The following UNC13C variants were observed in gnomAD, a reference collection of about 807,000 sequenced individuals.
The protein encoded by UNC13C is protein unc-13 homolog C.
Under a neutral mutation model 245.4 loss-of-function variants are expected in UNC13C, and 174 were observed. That is an observed-to-expected ratio of 0.71 (90% CI 0.63 to 0.80). UNC13C has a LOEUF of 0.80. Among genes scored for constraint, UNC13C ranks in the 30% least tolerant of loss-of-function variants. The pLI, the probability that UNC13C is intolerant of heterozygous loss-of-function variation, is 0.00. For missense variants in UNC13C, 2,829 were observed against 2,602.9 expected (o/e 1.09, Z -1.89); for synonymous variants, 992 against 895.1 (o/e 1.11, Z -1.93).
At chr15:54,486,140 T>C (rs1278992980) in intron 19 of UNC13C, among the ~76,000 whole-genome samples, 1 of 151,896 alleles carries the variant, frequency 6.6e-6, no homozygotes, top group Non-Finnish European at 1.5e-5. Context: ...CCGGGCATGG[T>C]GGCTCATGCC....
At chr15:54,196,688 T>C (rs932967143) in intron 4 of UNC13C, among the ~76,000 whole-genome samples, 4 of 152,192 alleles carry the variant, frequency 2.6e-5, no homozygotes, top group Admixed American at 6.6e-5. Context: ...CAGTGAGTAA[T>C]GTACCAATCT....
intron 4 of UNC13C, among the ~76,000 whole-genome samples, chr15:54,174,438 G>C (rs1333795284): frequency 6.6e-6 from 1 of 152,048 alleles, no homozygotes; most frequent in Non-Finnish European, 1.5e-5. Context: ...AGCAAATCTT[G>C]TTTTTAATTT....
intron 1 of UNC13C, among the ~76,000 whole-genome samples, chr15:53,987,725 C>T (rs1355921291): frequency 6.6e-6 from 1 of 151,986 alleles, no homozygotes; most frequent in Non-Finnish European, 1.5e-5. Flanking sequence ...AACATGCACA[C>T]AAAATTCAGT....
chr15:54,585,666 C>T (rs1898453609), intron 30 of UNC13C, among the ~76,000 whole-genome samples: 1 of 152,016 alleles, frequency 6.6e-6, no homozygotes, highest in Non-Finnish European at 1.5e-5. Context: ...AACTTCTCCA[C>T]AAAGGTAGAA....
At chr15:54,425,244 A>G (rs573008579) in intron 19 of UNC13C, among the ~76,000 whole-genome samples, 2 of 151,850 alleles carry the variant, frequency 1.3e-5, no homozygotes, top group African/African-American at 4.8e-5. Context: ...GCAGAGTTCA[A>G]TGACACCGTG....
At chr15:53,892,395 G>C in the UNC13C span, among the ~76,000 whole-genome samples, 1 of 152,072 alleles carries the variant, frequency 6.6e-6, no homozygotes, top group African/African-American at 2.4e-5. Context: ...GGTGTTCTCT[G>C]TATTTCCTGA....
chr15:54,486,310 G>A lies in UNC13C; in HGVS notation c.4934-8298G>A, dbSNP rs567579249. Reference sequence around the variant, plus strand: ...ACACAATATCAGTGTGGTGGCGGGCGCTTGTAATCCTAGCTGCTCCAGAGG... The same window carrying A: ...ACACAATATCAGTGTGGTGGCGGGCACTTGTAATCCTAGCTGCTCCAGAGG... On this transcript the variant is annotated intron_variant, in intron 19 of 32. Coordinates refer to ENST00000260323, the MANE Select transcript of UNC13C (RefSeq NM_001080534.3). 1.5e-4 allele frequency among the ~76,000 whole-genome samples: 22 copies of A among 148,866 alleles called. No individual in the cohort carries two copies. In the South Asian group the frequency reaches 3.0e-3, roughly 20 times the overall value.
chr15:53,842,658 G>A, the UNC13C span, among the ~76,000 whole-genome samples: 4 of 152,068 alleles, frequency 2.6e-5, no homozygotes, highest in Non-Finnish European at 4.4e-5. Context: ...TGTTATGGTT[G>A]GAGATATTAA....
chr15:54,453,375 T>C (rs1362717556), intron 19 of UNC13C, among the ~76,000 whole-genome samples: 1 of 152,204 alleles, frequency 6.6e-6, no homozygotes, highest in East Asian at 1.9e-4. Context: ...TGATGTTCTC[T>C]CTTAGAGGAT....
At chr15:54,053,176 G>C (rs1041493467) in intron 2 of UNC13C, among the ~76,000 whole-genome samples, 1 of 139,834 alleles carries the variant, frequency 7.2e-6, no homozygotes, top group African/African-American at 2.4e-5. Context: ...CACCACACCT[G>C]GCCAATTTAT....
intron 2 of UNC13C, among the ~76,000 whole-genome samples, chr15:54,032,299 C>A (rs576616080): frequency 6.6e-6 from 1 of 152,074 alleles, no homozygotes; most frequent in Non-Finnish European, 1.5e-5. Context: ...TGTCAAGGTA[C>A]GTCAAATCAG....
In UNC13C at chr15:54,623,942, A is replaced by T. The variant is rs1566945902; in HGVS notation, c.6347A>T (p.Glu2116Val). 6.2e-6 allele frequency: 10 copies of T among 1,613,170 alleles called. No individual in the cohort carries two copies. Among genetic ancestry groups the T allele is most frequent in the Non-Finnish European group, 8.5e-6 (10 of 1,179,304 alleles). The stretch of plus-strand genomic sequence containing the variant: ...AACACATGGTCACCAAAGTACAATG[A>T]AACATTTCAGTTGTAAGTCATAAAC... ...KSNTWSPKYN[E>V]TFQFILGKEN... Residue 2116 changes from glutamate to valine, a missense_variant, in exon 32 of 33, where the codon GAA becomes GTA. Physicochemically the swap from Glu to Val is moderately radical, Grantham distance 121 (BLOSUM62 -2). Transcript: ENST00000260323.
At chr15:54,589,197 C>T (rs1898640815) in intron 30 of UNC13C, among the ~76,000 whole-genome samples, 1 of 149,884 alleles carries the variant, frequency 6.7e-6, no homozygotes, top group Non-Finnish European at 1.5e-5. Flanking sequence ...GGTGGTATCG[C>T]ATTGTGGTTT....
chr15:54,103,500 C>T (rs1379547164), intron 2 of UNC13C, among the ~76,000 whole-genome samples: 2 of 152,342 alleles, frequency 1.3e-5, no homozygotes, highest in South Asian at 4.1e-4. Context: ...TTTCTGAAAA[C>T]ACAATAGTAT....
At chr15:53,840,187 T>C in the UNC13C span, among the ~76,000 whole-genome samples, 2 of 152,154 alleles carry the variant, frequency 1.3e-5, no homozygotes, top group Non-Finnish European at 2.9e-5. Flanking sequence ...GAGAATTGTT[T>C]CCTACAACAA....
At chr15:54,398,485 C>T (rs2040116823) in intron 18 of UNC13C, among the ~76,000 whole-genome samples, 1 of 151,192 alleles carries the variant, frequency 6.6e-6, no homozygotes, top group Admixed American at 6.6e-5. Context: ...GACAGTATTT[C>T]CTCCAGTATA....
chr15:54,362,368 G>T (rs1329584114), intron 17 of UNC13C, among the ~76,000 whole-genome samples: 1 of 152,150 alleles, frequency 6.6e-6, no homozygotes, highest in African/African-American at 2.4e-5. Context: ...CTTGGAGGAG[G>T]GAGCAGCACA....
the UNC13C span, among the ~76,000 whole-genome samples, chr15:53,920,946 A>C: frequency 6.6e-6 from 1 of 151,870 alleles, no homozygotes. Flanking sequence ...GTGCCATGAA[A>C]GTTTAACTAT....
chr15:54,619,196 A>C (rs183003190), intron 30 of UNC13C, among the ~76,000 whole-genome samples: 1 of 152,136 alleles, frequency 6.6e-6, no homozygotes, highest in Non-Finnish European at 1.5e-5. Context: ...GCCTTTCTCC[A>C]TGTAAATTTT....
Sources: allele counts gnomAD v4.1 joint callset (sites outside exome capture counted in the v4.1 genomes callset), GRCh38; gene constraint gnomAD v4.1.1; transcripts MANE v1.5; gene names NCBI Gene and HGNC (gene_info 2026-07-23, HGNC 2026-07-21).